Variants in YLPM1 observed in about 807,000 individuals in gnomAD.
YLPM1 encodes YLP motif containing 1, also known as YLP motif-containing protein 1.
A neutral mutation model predicts 230.0 loss-of-function variants in YLPM1; 99 were observed. The ratio of observed to expected loss-of-function variants is 0.43; its 90% CI spans 0.37 to 0.51. YLPM1 has a LOEUF of 0.51. YLPM1 is among the 20% of genes least tolerant of loss of function. The pLI, the probability that YLPM1 is intolerant of heterozygous loss-of-function variation, is 0.00. For synonymous variants in YLPM1, 984 were observed against 942.5 expected, an observed-to-expected ratio of 1.04 and a Z score of -0.81; for missense variants, 2,592 against 2,707.7, an observed-to-expected ratio of 0.96 and a Z score of 0.95.
intron 4 of YLPM1, among the ~76,000 whole-genome samples, chr14:74,793,899 C>G (rs186974748): frequency 4.7e-4 from 71 of 152,254 alleles, no homozygotes; most frequent in African/African-American, 1.6e-3. Flanking sequence ...CCTAGCACCC[C>G]CTAGTGTCTG....
chr14:74,764,470 C>G (rs1594803220), intron 1 of YLPM1, 108 bp downstream of exon 1: 1 of 1,346,824 alleles, frequency 7.4e-7, no homozygotes, highest in East Asian at 2.5e-5. Flanking sequence ...CAATGACTAG[C>G]TAACACTCCA....
rs1410552264 is a variant in YLPM1 at position 74,809,464 on chromosome 14, T to A, written c.4606T>A (p.Ser1536Thr). The A allele has an allele frequency of 6.3e-7, 1 of 1,594,420 alleles. No homozygotes were observed. Among genetic ancestry groups the A allele is most frequent in the Non-Finnish European group, 8.6e-7 (1 of 1,169,538 alleles). The change falls in exon 7 of 21, where the codon TCT (serine) becomes ACT (threonine). Residue 1536 changes from serine (S) to threonine (T), a missense_variant. By Grantham distance (58) the Ser-to-Thr change is moderately conservative. Transcript: ENST00000325680. Reference sequence around the variant, plus strand: ...ACCCTCTGCTCCACCAGCAAGATCATCTGTTCCTGTGACCAGGCCACCTGT... The same window carrying A: ...ACCCTCTGCTCCACCAGCAAGATCAACTGTTCCTGTGACCAGGCCACCTGT... ...VRPSAPPARSSVPVTRPPVPI... is the reference protein window; with the variant it reads ...VRPSAPPARSTVPVTRPPVPI...
chr14:74,768,737 T>G (rs2090940531), intron 1 of YLPM1, among the ~76,000 whole-genome samples: 1 of 152,126 alleles, frequency 6.6e-6, no homozygotes, highest in Non-Finnish European at 1.5e-5. Context: ...GTTAACAAGA[T>G]AGACATGGGA....
chr14:74,781,748 C>T lies in YLPM1; in HGVS notation c.1705C>T (p.Leu569=), dbSNP rs2091095728. 1 of 1,612,500 alleles carries T rather than the reference C, an allele frequency of 6.2e-7. No individual in the cohort carries two copies. The highest frequency in any genetic ancestry group is 1.1e-5 in the South Asian group (1 of 90,966). Residue 569 remains leucine, a synonymous_variant, in exon 4 of 21, where the codon CTA becomes TTA. Transcript: ENST00000325680. Reference sequence around the variant, plus strand: ...GCCCCCACCTGTTATGCCACCTTCTCTACCAACCTCTGTTCCCCCACCAGG... The same window carrying T: ...GCCCCCACCTGTTATGCCACCTTCTTTACCAACCTCTGTTCCCCCACCAGG... ...GMPPPVMPPS[L]PTSVPPPGMP...
intron 17 of YLPM1, 133 bp from the exon 18 acceptor site, chr14:74,824,123 C>T (rs940456603): frequency 2.6e-6 from 2 of 782,334 alleles, no homozygotes; most frequent in East Asian, 2.9e-5. Flanking sequence ...TTGTGTTTCC[C>T]CTAAGGATGT....
intron 4 of YLPM1, among the ~76,000 whole-genome samples, chr14:74,793,351 C>A (rs192115159): frequency 2.6e-5 from 4 of 152,048 alleles, no homozygotes; most frequent in Non-Finnish European, 4.4e-5. Context: ...TTTTATCTTA[C>A]ATTTTGTTGT....
intron 11 of YLPM1, among the ~76,000 whole-genome samples, chr14:74,814,388 TG>T (rs1302283776): frequency 6.6e-6 from 1 of 152,202 alleles, no homozygotes; most frequent in East Asian, 1.9e-4. Flanking sequence ...ATATTAGCTG[TG>T]GAATTTTTTT....
intron 11 of YLPM1, among the ~76,000 whole-genome samples, chr14:74,815,380 G>A (rs749763346): frequency 5.3e-5 from 8 of 151,892 alleles, no homozygotes; most frequent in East Asian, 1.9e-4. Context: ...TGGTCAACAC[G>A]GTGAAACCCC....
intron 8 of YLPM1, 100 bp downstream of exon 8, chr14:74,810,102 G>A: frequency 6.9e-7 from 1 of 1,452,414 alleles, no homozygotes; most frequent in East Asian, 2.4e-5. Context: ...ATTTAATACA[G>A]CTAAAAGATT....
Position 74,764,325 on chromosome 14 carries a change from C to G in YLPM1, c.836C>G (p.Ala279Gly). ...AKNKSTEQQQ[A>G]APEPDPSTMT... ...AACAAGAGTACTGAACAGCAGCAAG[C>G]CGCCCCTGAGCCAGATCCCTCTACG... The change falls in exon 1 of 21, where the codon GCC (alanine) becomes GGC (glycine). Residue 279 changes from alanine (A) to glycine (G), a missense_variant. By Grantham distance (60) the Ala-to-Gly change is moderately conservative. Transcript: ENST00000325680. The G allele has an allele frequency of 1.9e-6, 3 of 1,612,856 alleles. No homozygotes were observed. Among genetic ancestry groups the G allele is most frequent in the Non-Finnish European group, 2.5e-6 (3 of 1,179,354 alleles).
intron 2 of YLPM1, among the ~76,000 whole-genome samples, chr14:74,779,005 T>A (rs924489636): frequency 3.3e-5 from 5 of 152,104 alleles, no homozygotes; most frequent in African/African-American, 1.2e-4. Flanking sequence ...CATGACCGGC[T>A]AATTTTTGTA....
intron 6 of YLPM1, among the ~76,000 whole-genome samples, chr14:74,809,143 A>T (rs1187579611): frequency 6.6e-6 from 1 of 150,856 alleles, no homozygotes; most frequent in East Asian, 1.9e-4. Context: ...ACCGAGTTTA[A>T]GTGTTTTGTA....
chr14:74,821,575 G>C (rs1331696601), intron 17 of YLPM1: 1 of 152,598 alleles, frequency 6.6e-6, no homozygotes, highest in African/African-American at 2.4e-5. Flanking sequence ...GGAGGCAGAG[G>C]GTTGCCACTG....
At position 74,799,103 on chromosome 14, in the gene YLPM1, A is replaced by G. The variant is rs2091297132; in HGVS notation, c.3806A>G (p.Glu1269Gly). 3.7e-6 allele frequency: 6 copies of G among 1,613,868 alleles called. No homozygotes were observed. The highest frequency in any genetic ancestry group is 2.2e-5 in the East Asian group (1 of 44,860). The change falls in exon 5 of 21, where the codon GAG (glutamate) becomes GGG (glycine). Residue 1269 changes from glutamate (E) to glycine (G), a missense_variant. Glu to Gly is a moderately conservative substitution (Grantham distance 98). Around this residue, in one of 4 missense-constraint regions of YLPM1, gnomAD observed 1,862 missense variants for 1,819.8 expected, o/e 1.02. Coordinates refer to ENST00000325680, the MANE Select transcript of YLPM1 (RefSeq NM_019589.3). ...DRRGPWWDDW[E>G]RDQDMDEDYN... ...CGAGGCCCTTGGTGGGATGATTGGG[A>G]GAGAGACCAGGATATGGATGAGGAC...
Position 74,763,822 on chromosome 14 carries a change from C to A in YLPM1, c.333C>A (p.Pro111=). ...QPPPPPMPPP[P]GPALSYQKQQ... ...CACCGCCACCGATGCCCCCGCCACCCGGGCCGGCCCTCAGCTATCAGAAGC... is the reference window on the plus strand; with the variant it reads ...CACCGCCACCGATGCCCCCGCCACCAGGGCCGGCCCTCAGCTATCAGAAGC... The change falls in exon 1 of 21, where the codon CCC becomes CCA. Residue 111 remains proline, a synonymous_variant. Coordinates refer to ENST00000325680, the MANE Select transcript of YLPM1 (RefSeq NM_019589.3). The A allele has an allele frequency of 6.6e-7, 1 of 1,510,304 alleles. No homozygotes were observed. The allele number at this position is 1,510,304 out of a possible 1,614,324, so 93.6% of individuals were successfully genotyped here.
At chr14:74,786,238 T>C (rs1049569048) in intron 4 of YLPM1, among the ~76,000 whole-genome samples, 1 of 151,796 alleles carries the variant, frequency 6.6e-6, no homozygotes, top group African/African-American at 2.4e-5. Flanking sequence ...AACATGCGCC[T>C]GTAGTCCCAG....
At position 74,809,400 on chromosome 14, in the gene YLPM1, T is replaced by C; in HGVS notation, c.4542T>C (p.Pro1514=). Residue 1514 remains proline (P), a synonymous_variant, in exon 7 of 21, where the codon CCT becomes CCC. Transcript: ENST00000325680. The part of the protein sequence containing the change: ...GMYPPPGSYR[P]PPPMGKPPGS... Reference sequence around the variant, plus strand: ...TCTAGCCTCCAGGGTCGTATAGACCTCCCCCTCCTATGGGCAAACCACCAG... The same window carrying C: ...TCTAGCCTCCAGGGTCGTATAGACCCCCCCCTCCTATGGGCAAACCACCAG... 1 of 1,608,528 alleles carries C rather than the reference T, an allele frequency of 6.2e-7. No individual in the cohort carries two copies. Among genetic ancestry groups the C allele is most frequent in the South Asian group, 1.1e-5 (1 of 89,922 alleles).
At chr14:74,802,190 C>T (rs945928787) in intron 5 of YLPM1, among the ~76,000 whole-genome samples, 14 of 148,594 alleles carry the variant, frequency 9.4e-5, no homozygotes, top group African/African-American at 3.5e-4. Flanking sequence ...TGCACTCCAG[C>T]CCAGGCGACA....
chr14:74,780,646 C>T, intron 3 of YLPM1, 62 bp downstream of exon 3: 2 of 1,502,330 alleles, frequency 1.3e-6, no homozygotes, highest in Non-Finnish European at 1.8e-6. Flanking sequence ...ATTTGTTATT[C>T]TTGAAAGATT....
Sources: allele counts gnomAD v4.1 joint callset (sites outside exome capture counted in the v4.1 genomes callset), GRCh38; gene constraint gnomAD v4.1.1; regional missense constraint gnomAD v4.1.1; transcripts MANE v1.5; gene names NCBI Gene and HGNC (gene_info 2026-07-23, HGNC 2026-07-21).